The following FPR2 variants were observed in gnomAD, a reference collection of about 807,000 sequenced individuals.
FPR2 encodes N-formyl peptide receptor 2.
In FPR2, 3 loss-of-function variants were observed where a neutral mutation model predicts 4.0. That is an observed-to-expected ratio of 0.74 (90% CI 0.34 to 1.92). The LOEUF is 1.92. Among genes scored for constraint, FPR2 ranks in the 30% most tolerant of loss-of-function variants. The pLI is 0.07. For synonymous variants in FPR2, 179 were observed against 171.5 expected (o/e 1.04, Z -0.34); for missense variants, 372 against 435.7 (o/e 0.85, Z 1.30).
intron 1 of FPR2, among the ~76,000 whole-genome samples, chr19:51,767,567 C>A (rs1373424036): frequency 1.3e-5 from 2 of 152,056 alleles, no homozygotes; most frequent in African/African-American, 4.8e-5. Context: ...GAAAAGACAC[C>A]TTCTCTGCAG....
rs1257885911 is a variant in FPR2, at chr19:51,769,966, A to G, written c.*252A>G. On this transcript the variant is annotated 3_prime_UTR_variant, in exon 2 of 2. Transcript: ENST00000340023. This position sits in a 1 kb window ranked among gnomAD's most constrained non-coding sequence, Gnocchi z 4.4. ...GTGGAGTTGGGAAATACAAGAAGAG[A>G]AAGACCAGTGGGGATTTGTAAGACT... 6 of 486,080 alleles carry G rather than the reference A, an allele frequency of 1.2e-5. No homozygotes were observed. The highest frequency in any genetic ancestry group is 2.3e-5 in the Non-Finnish European group (6 of 262,190). The allele number at this position is 486,080 out of a possible 1,614,324, so 30.1% of individuals were successfully genotyped here.
chr19:51,769,297 G>T lies in FPR2; in HGVS notation c.639G>T (p.Pro213=), dbSNP rs35073187. The change falls in exon 2 of 2, where the codon CCG becomes CCT. Residue 213 remains proline, a synonymous_variant. Transcript: ENST00000340023. The surrounding 1 kb of genome is among the most constrained non-coding windows in gnomAD (Gnocchi z 4.4). ...IIRFVIGFSL[P]MSIVAICYGL... is the part of the protein sequence containing the mutation. ...GGTTTGTCATTGGCTTTAGCTTGCC[G>T]ATGTCCATTGTTGCCATCTGCTATG... 1 of 1,614,162 alleles carries T rather than the reference G, an allele frequency of 6.2e-7. No individual in the cohort carries two copies. The highest frequency in any genetic ancestry group is 1.7e-5 in the Admixed American group (1 of 60,020).
In FPR2 at chr19:51,769,456, C is replaced by G. The variant is rs150834998; in HGVS notation, c.798C>G (p.Val266=). 89 of 1,614,112 alleles carry G rather than the reference C, an allele frequency of 5.5e-5. No homozygotes were observed. The African/African-American group carries it at 1.1e-3, about 20-fold the overall frequency. ...AACTGGTTGCCCTTCTGGGCACCGT[C>G]TGGCTCAAAGAGATGTTGTTCTATG... The part of the protein sequence containing the change: ...PFQLVALLGT[V]WLKEMLFYGK... Residue 266 remains valine, a synonymous_variant, in exon 2 of 2, where the codon GTC becomes GTG. Transcript: ENST00000340023. The surrounding 1 kb of genome is among the most constrained non-coding windows in gnomAD (Gnocchi z 4.4).
At chr19:51,764,282 C>T (rs1327565097) in intron 1 of FPR2, among the ~76,000 whole-genome samples, 1 of 152,058 alleles carries the variant, frequency 6.6e-6, no homozygotes, top group Non-Finnish European at 1.5e-5. Flanking sequence ...GTGACAGAGG[C>T]AGGTAGACTG....
rs907762465 is a variant in FPR2 at position 51,769,335 on chromosome 19, C to T, written c.677C>T (p.Ala226Val). 6.2e-7 allele frequency: 1 copy of T among 1,614,142 alleles called. No homozygotes were observed. Among genetic ancestry groups the T allele is most frequent in the South Asian group, 1.1e-5 (1 of 91,078 alleles). Residue 226 changes from alanine (A) to valine (V), a missense_variant, in exon 2 of 2, where the codon GCC becomes GTC. Physicochemically the swap from Ala to Val is moderately conservative, Grantham distance 64 (BLOSUM62 0). Coordinates refer to ENST00000340023, the MANE Select transcript of FPR2 (RefSeq NM_001005738.2). The surrounding 1 kb of genome is among the most constrained non-coding windows in gnomAD (Gnocchi z 4.4). ...GCCATCTGCTATGGGCTCATTGCAG[C>T]CAAGATCCACAAAAAGGGCATGATT... ...IVAICYGLIA[A>V]KIHKKGMIKS... is the part of the protein sequence containing the mutation.
Position 51,769,556 on chromosome 19 carries a change from A to T in FPR2, c.898A>T (p.Met300Leu). The change falls in exon 2 of 2, where the codon ATG (methionine) becomes TTG (leucine). Residue 300 changes from methionine to leucine, a missense_variant. Coordinates refer to ENST00000340023, the MANE Select transcript of FPR2 (RefSeq NM_001005738.2). The surrounding 1 kb of genome is among the most constrained non-coding windows in gnomAD (Gnocchi z 4.4). ...LAFFNSCLNP[M>L]LYVFVGQDFR... ...CTTCTTCAACAGCTGCCTCAACCCCATGCTTTACGTCTTTGTGGGCCAAGA... is the reference window on the plus strand; with the variant it reads ...CTTCTTCAACAGCTGCCTCAACCCCTTGCTTTACGTCTTTGTGGGCCAAGA... 1 of 1,614,138 alleles carries T rather than the reference A, an allele frequency of 6.2e-7. No homozygotes were observed. Among genetic ancestry groups the T allele is most frequent in the Non-Finnish European group, 8.5e-7 (1 of 1,180,026 alleles).
In FPR2 at chr19:51,769,546, C is replaced by T; in HGVS notation, c.888C>T (p.Cys296=). The T allele has an allele frequency of 6.2e-7, 1 of 1,614,222 alleles. No homozygotes were observed. Among genetic ancestry groups the T allele is most frequent in the African/African-American group, 1.3e-5 (1 of 75,050 alleles). The change falls in exon 2 of 2, where the codon TGC becomes TGT. Residue 296 remains cysteine (C), a synonymous_variant. Transcript: ENST00000340023. The surrounding 1 kb of genome is among the most constrained non-coding windows in gnomAD (Gnocchi z 4.4). The part of the protein sequence containing the change: ...PTSSLAFFNS[C]LNPMLYVFVG... ...GCTCCCTGGCCTTCTTCAACAGCTG[C>T]CTCAACCCCATGCTTTACGTCTTTG...
At position 51,761,206 on chromosome 19, in the gene FPR2, C is replaced by T. The variant is rs1345731797; in HGVS notation, c.-39C>T. On this transcript the variant is annotated 5_prime_UTR_variant, in exon 1 of 2. Coordinates refer to ENST00000340023, the MANE Select transcript of FPR2 (RefSeq NM_001005738.2). Reference sequence around the variant, plus strand: ...TTGCTCCACAGGAAGCCAAGAAGCACACAGGAAAAGGAGCTTAGCTGCTGG... The same window carrying T: ...TTGCTCCACAGGAAGCCAAGAAGCATACAGGAAAAGGAGCTTAGCTGCTGG... 1 of 152,220 alleles carries T rather than the reference C, an allele frequency of 6.6e-6. No individual in the cohort carries two copies. Among genetic ancestry groups the T allele is most frequent in the Non-Finnish European group, 1.5e-5 (1 of 68,056 alleles). 9.4% of individuals were successfully genotyped at this position (152,220 alleles called of 1,614,324 possible). A position where few individuals can be genotyped will look rare whatever the true frequency, so the allele number is the denominator to read the frequency against.
Position 51,769,700 on chromosome 19 carries a change from T to C in FPR2, c.1042T>C (p.Leu348=), listed in dbSNP as rs1568646432. The C allele has an allele frequency of 6.2e-7, 1 of 1,613,648 alleles. No homozygotes were observed. The highest frequency in any genetic ancestry group is 1.7e-5 in the Admixed American group (1 of 59,998). ...NSASPPAETE[L]QAM The stretch of plus-strand genomic sequence containing the variant: ...TGCTTCACCTCCTGCAGAGACTGAG[T>C]TACAGGCAATGTGAGGATGGGGTCA... The change falls in exon 2 of 2, where the codon TTA becomes CTA. Residue 348 remains leucine (L), a synonymous_variant. Coordinates refer to ENST00000340023, the MANE Select transcript of FPR2 (RefSeq NM_001005738.2). This position sits in a 1 kb window ranked among gnomAD's most constrained non-coding sequence, Gnocchi z 4.4.
At position 51,769,218 on chromosome 19, in the gene FPR2, C is replaced by T; in HGVS notation, c.560C>T (p.Pro187Leu). Residue 187 changes from proline to leucine, a missense_variant, in exon 2 of 2, where the codon CCT becomes CTT. Transcript: ENST00000340023. The surrounding 1 kb of genome is among the most constrained non-coding windows in gnomAD (Gnocchi z 4.4). ...AACTTTGCATCCTGGGGTGGCACCC[C>T]TGAGGAGAGGCTGAAGGTGGCCATT... is the stretch of plus-strand genomic sequence containing the variant. ...TFNFASWGGT[P>L]EERLKVAITM... is the part of the protein sequence containing the mutation. 6.2e-7 allele frequency: 1 copy of T among 1,614,208 alleles called. No individual in the cohort carries two copies. Among genetic ancestry groups the T allele is most frequent in the Non-Finnish European group, 8.5e-7 (1 of 1,180,046 alleles).
chr19:51,768,257 T>C (rs1438247515), intron 1 of FPR2: 7 of 173,668 alleles, frequency 4.0e-5, no homozygotes, highest in South Asian at 1.4e-4. Context: ...CTTGCCAGCA[T>C]GTTTGCATTG....
In FPR2 at chr19:51,769,000, C is replaced by T; in HGVS notation, c.342C>T (p.Phe114=). ...VVDINLFGSV[F]LIGFIALDRC... is the part of the protein sequence containing the mutation. ...ACATCAACCTCTTTGGAAGTGTCTT[C>T]TTGATTGGTTTCATTGCACTGGACC... Residue 114 remains phenylalanine (F), a synonymous_variant, in exon 2 of 2, where the codon TTC becomes TTT. Coordinates refer to ENST00000340023, the MANE Select transcript of FPR2 (RefSeq NM_001005738.2). The T allele has an allele frequency of 6.2e-7, 1 of 1,614,188 alleles. No homozygotes were observed. Among genetic ancestry groups the T allele is most frequent in the Non-Finnish European group, 8.5e-7 (1 of 1,180,038 alleles).
Position 51,769,295 on chromosome 19 carries a change from C to A in FPR2, c.637C>A (p.Pro213Thr). ...CCGGTTTGTCATTGGCTTTAGCTTG[C>A]CGATGTCCATTGTTGCCATCTGCTA... ...IIRFVIGFSLPMSIVAICYGL... is the reference protein window; with the variant it reads ...IIRFVIGFSLTMSIVAICYGL... Residue 213 changes from proline (P) to threonine (T), a missense_variant, in exon 2 of 2, where the codon CCG becomes ACG. Transcript: ENST00000340023. This position sits in a 1 kb window ranked among gnomAD's most constrained non-coding sequence, Gnocchi z 4.4. 6.2e-7 allele frequency: 1 copy of A among 1,614,188 alleles called. No individual in the cohort carries two copies. Among genetic ancestry groups the A allele is most frequent in the South Asian group, 1.1e-5 (1 of 91,088 alleles).
chr19:51,768,302 C>T (rs1002123165), intron 1 of FPR2: 1 of 204,366 alleles, frequency 4.9e-6, no homozygotes, highest in African/African-American at 2.3e-5. Context: ...CCTTCTGATT[C>T]TGAGTCATGT....
chr19:51,768,811 T>G lies in FPR2; in HGVS notation c.153T>G (p.Ala51=). The G allele has an allele frequency of 6.2e-7, 1 of 1,614,138 alleles. No homozygotes were observed. The highest frequency in any genetic ancestry group is 1.3e-5 in the African/African-American group (1 of 75,024). ...GCAATGGGCTTGTGATCTGGGTGGC[T>G]GGATTCCGGATGACACGCACAGTCA... ...VLGNGLVIWV[A]GFRMTRTVTT... is the part of the protein sequence containing the mutation. The change falls in exon 2 of 2, where the codon GCT becomes GCG. Residue 51 remains alanine, a synonymous_variant. Transcript: ENST00000340023.
In FPR2 at chr19:51,769,218, CT is replaced by C; in HGVS notation, c.561del (p.Glu188ArgfsTer4). 6.2e-7 allele frequency: 1 copy of C among 1,614,208 alleles called. No individual in the cohort carries two copies. On this transcript the variant is annotated frameshift_variant, in exon 2 of 2. Coordinates refer to ENST00000340023, the MANE Select transcript of FPR2 (RefSeq NM_001005738.2). LOFTEE classifies it low-confidence loss of function (END_TRUNC). This position sits in a 1 kb window ranked among gnomAD's most constrained non-coding sequence, Gnocchi z 4.4. ...TFNFASWGGT[P>X]EERLKVAITM... is the part of the protein sequence containing the mutation. ...AACTTTGCATCCTGGGGTGGCACCC[CT>C]GAGGAGAGGCTGAAGGTGGCCATTA...
Position 51,770,404 on chromosome 19 carries a change from T to A in FPR2, c.*690T>A, listed in dbSNP as rs534484136. The A allele has an allele frequency of 1.8e-5, 3 of 167,214 alleles. No individual in the cohort carries two copies. The highest frequency in any genetic ancestry group is 7.2e-5 in the African/African-American group (3 of 41,580). The allele number at this position is 167,214 out of a possible 1,614,324, so 10.4% of individuals were successfully genotyped here. On this transcript the variant is annotated 3_prime_UTR_variant, in exon 2 of 2. Coordinates refer to ENST00000340023, the MANE Select transcript of FPR2 (RefSeq NM_001005738.2). ...TTCTACTATCCTTGCTAAGTTTTCATAGAAAATAAGGAACAAAGAGAAACT... is the reference window on the plus strand; with the variant it reads ...TTCTACTATCCTTGCTAAGTTTTCAAAGAAAATAAGGAACAAAGAGAAACT...
In FPR2 at chr19:51,769,631, C is replaced by T; in HGVS notation, c.973C>T (p.Leu325=). 1.2e-6 allele frequency: 2 copies of T among 1,614,212 alleles called. No individual in the cohort carries two copies. The highest frequency in any genetic ancestry group is 2.2e-5 in the East Asian group (1 of 44,884). ...CCTGCCCACCAGTCTGGAGAGGGCC[C>T]TGTCTGAGGACTCAGCCCCAACTAA... The part of the protein sequence containing the change: ...HSLPTSLERA[L]SEDSAPTNDT... The change falls in exon 2 of 2, where the codon CTG becomes TTG. Residue 325 remains leucine (L), a synonymous_variant. Transcript: ENST00000340023. This position sits in a 1 kb window ranked among gnomAD's most constrained non-coding sequence, Gnocchi z 4.4.
At chr19:51,766,757 G>A (rs2083870640) in intron 1 of FPR2, among the ~76,000 whole-genome samples, 1 of 152,122 alleles carries the variant, frequency 6.6e-6, no homozygotes, top group East Asian at 1.9e-4. Flanking sequence ...TGTGATGGCT[G>A]TTTCCCAATG....
Sources: gnomAD v4.1 joint callset for allele counts (sites outside exome capture counted in the v4.1 genomes callset) on GRCh38, gnomAD v4.1.1 for gene constraint, Gnocchi (gnomAD v3.1) non-coding constraint, MANE v1.5 for transcripts, NCBI Gene and HGNC (gene_info 2026-07-23, HGNC 2026-07-21) for gene names.